RCL1: variants seen among roughly 807,000 people sequenced by gnomAD.
The protein encoded by RCL1 is RNA 3'-terminal phosphate cyclase-like protein.
Under a neutral mutation model 42.4 loss-of-function variants are expected in RCL1, and 24 were observed. That is an observed-to-expected ratio of 0.57 (90% CI 0.41 to 0.80). The LOEUF is 0.80. Among genes scored for constraint, RCL1 ranks in the 30% least tolerant of loss-of-function variants. The pLI is 0.00. For missense variants in RCL1, 578 were observed against 467.9 expected (o/e 1.24, Z -2.17); for synonymous variants, 228 against 177.3 (o/e 1.29, Z -2.27).
At chr9:4,816,473 T>C (rs1008020928) in intron 1 of RCL1, among the ~76,000 whole-genome samples, 3 of 152,224 alleles carry the variant, frequency 2.0e-5, no homozygotes, top group Non-Finnish European at 4.4e-5. Context: ...AGAATTTGAC[T>C]GAGAAATAGA....
chr9:4,842,178 C>A (rs159354), intron 6 of RCL1, among the ~76,000 whole-genome samples: 140,043 of 152,238 alleles, frequency 0.92, 64,619 homozygotes, highest in East Asian at 1. Flanking sequence ...TTTCACTTCA[C>A]ATCTGAGGCT....
rs773740976 is a variant in RCL1 at position 4,844,614 on chromosome 9, G to A, written c.800G>A (p.Gly267Glu). 1 of 1,614,068 alleles carries A rather than the reference G, an allele frequency of 6.2e-7. No homozygotes were observed. Among genetic ancestry groups the A allele is most frequent in the South Asian group, 1.1e-5 (1 of 91,060 alleles). Residue 267 changes from glycine to glutamate, a missense_variant, in exon 7 of 9, where the codon GGA becomes GAA. Physicochemically the swap from Gly to Glu is moderately conservative, Grantham distance 98. Coordinates refer to ENST00000381750, the MANE Select transcript of RCL1 (RefSeq NM_005772.5). ...CTGGCCTCCAACCCCCAGGGCCAGG[G>A]AGCAGCAGTACTTCCAGAGGACCTT... The part of the protein sequence containing the change: ...AELASNPQGQ[G>E]AAVLPEDLGR...
intron 1 of RCL1, among the ~76,000 whole-genome samples, chr9:4,799,229 G>C (rs1842960979): frequency 6.6e-6 from 1 of 151,594 alleles, no homozygotes; most frequent in South Asian, 2.1e-4. Flanking sequence ...CTGCCTAACT[G>C]TCCCAAAGTG....
At chr9:4,845,802 T>G (rs545148143) in intron 7 of RCL1, among the ~76,000 whole-genome samples, 1 of 152,284 alleles carries the variant, frequency 6.6e-6, no homozygotes, top group African/African-American at 2.4e-5. Flanking sequence ...TGTTGTATGG[T>G]GTATAATGTT....
Position 4,860,296 on chromosome 9 carries a change from C to T in RCL1, c.*21C>T, listed in dbSNP as rs1466516849. 1.9e-6 allele frequency: 3 copies of T among 1,610,056 alleles called. No individual in the cohort carries two copies. The highest frequency in any genetic ancestry group is 2.5e-6 in the Non-Finnish European group (3 of 1,178,488). On this transcript the variant is annotated 3_prime_UTR_variant, in exon 9 of 9. Coordinates refer to ENST00000381750, the MANE Select transcript of RCL1 (RefSeq NM_005772.5). The stretch of plus-strand genomic sequence containing the variant: ...AGTGATAACCATCACAAGATAAGGC[C>T]CCAATGCCTACAGACAAAGCAGAAG...
chr9:4,846,927 C>G (rs1384402711), intron 7 of RCL1, among the ~76,000 whole-genome samples: 1 of 132,604 alleles, frequency 7.5e-6, no homozygotes, highest in East Asian at 2.1e-4. Context: ...TCACTCTTTC[C>G]CAGGCTGGAG....
intron 1 of RCL1, among the ~76,000 whole-genome samples, chr9:4,813,793 G>C (rs144948520): frequency 1.3e-5 from 2 of 152,316 alleles, no homozygotes; most frequent in Non-Finnish European, 2.9e-5. Context: ...CAACCCAAAT[G>C]TCCATCAGTG....
intron 1 of RCL1, among the ~76,000 whole-genome samples, chr9:4,812,028 C>T (rs1165277135): frequency 6.6e-6 from 1 of 152,104 alleles, no homozygotes; most frequent in Non-Finnish European, 1.5e-5. Flanking sequence ...TTTTTGCTGA[C>T]TTTTAAAATT....
chr9:4,833,323 A>T, intron 4 of RCL1, 95 bp downstream of exon 4: 1 of 905,522 alleles, frequency 1.1e-6, no homozygotes, highest in African/African-American at 1.6e-5. Flanking sequence ...TATGTGTGTC[A>T]CATTTGAAGT....
intron 1 of RCL1, among the ~76,000 whole-genome samples, chr9:4,819,840 A>G (rs1032595491): frequency 6.6e-6 from 1 of 152,206 alleles, no homozygotes; most frequent in African/African-American, 2.4e-5. Flanking sequence ...GACTTTATCA[A>G]CTTTACCACT....
At position 4,844,210 on chromosome 9, in the gene RCL1, G is replaced by C. The variant is rs537786970; in HGVS notation, c.711-315G>C. ...GTGTTAAAGGGGGCAGGTCTGTGTT[G>C]TGGTTGCATACGGATTGTACTGCTG... On this transcript the variant is annotated intron_variant, in intron 6 of 8. Transcript: ENST00000381750. Among the ~76,000 whole-genome samples, 53 of 152,310 alleles carry C rather than the reference G, an allele frequency of 3.5e-4. 1 individual carries two copies. In the South Asian group the frequency reaches 6.8e-3, roughly 20 times the overall value.
chr9:4,811,662 C>T (rs1001168167), intron 1 of RCL1, among the ~76,000 whole-genome samples: 1 of 152,134 alleles, frequency 6.6e-6, no homozygotes, highest in African/African-American at 2.4e-5. Context: ...GTTTAATAAA[C>T]CTGAGAGTGC....
At position 4,841,892 on chromosome 9, in the gene RCL1, T is replaced by A. The variant is rs183710524; in HGVS notation, c.710+535T>A. Reference sequence around the variant, plus strand: ...AAAATTCTAAGTAAGGAAAATAAGTTCTTAAAAAATGATGCTCTATGTAAT... The same window carrying A: ...AAAATTCTAAGTAAGGAAAATAAGTACTTAAAAAATGATGCTCTATGTAAT... On this transcript the variant is annotated intron_variant, in intron 6 of 8. Coordinates refer to ENST00000381750, the MANE Select transcript of RCL1 (RefSeq NM_005772.5). Among the ~76,000 whole-genome samples the A allele has an allele frequency of 1.2e-3, 183 of 152,264 alleles. 2 individuals are homozygous for A. The Middle Eastern group carries it at 0.02, about 17-fold the overall frequency.
chr9:4,822,292 G>A (rs1816620228), intron 1 of RCL1, among the ~76,000 whole-genome samples: 1 of 152,206 alleles, frequency 6.6e-6, no homozygotes. Context: ...AGTGGGAATT[G>A]TCTAAAAGTG....
intron 5 of RCL1, chr9:4,836,779 G>A (rs1468653782): frequency 6.6e-6 from 1 of 152,456 alleles, no homozygotes; most frequent in Non-Finnish European, 1.5e-5. Context: ...GTGGTGAAGG[G>A]CAGGGAGTAG....
At chr9:4,823,691 T>C in intron 2 of RCL1, 72 bp downstream of exon 2, 1 of 1,076,572 alleles carries the variant, frequency 9.3e-7, no homozygotes, top group African/African-American at 1.6e-5. Context: ...CTTTTTTTTC[T>C]TTCCTTTTTT....
At chr9:4,799,008 C>A (rs1842956305) in intron 1 of RCL1, among the ~76,000 whole-genome samples, 1 of 143,236 alleles carries the variant, frequency 7.0e-6, no homozygotes, top group Non-Finnish European at 1.5e-5. Flanking sequence ...CTCTCCCTCC[C>A]CTTCCCTCCC....
chr9:4,823,731 A>T (rs1816667708), intron 2 of RCL1, 112 bp downstream of exon 2: 3 of 666,570 alleles, frequency 4.5e-6, no homozygotes, highest in Non-Finnish European at 2.6e-6. Context: ...TATCCAAATC[A>T]CTCTTTTTAA....
At chr9:4,810,730 G>A (rs982863977) in intron 1 of RCL1, among the ~76,000 whole-genome samples, 3 of 152,198 alleles carry the variant, frequency 2.0e-5, no homozygotes, top group African/African-American at 7.2e-5. Flanking sequence ...GTTGTACAAA[G>A]TGACTGTAAA....
Sources: allele counts gnomAD v4.1 joint callset (sites outside exome capture counted in the v4.1 genomes callset), GRCh38; gene constraint gnomAD v4.1.1; transcripts MANE v1.5; gene names NCBI Gene and HGNC (gene_info 2026-07-23, HGNC 2026-07-21).